The following FGF14 variants were observed in gnomAD, a reference collection of about 807,000 sequenced individuals.
FGF14 encodes fibroblast growth factor 14, also known as fibroblast growth factor homologous factor 4.
In FGF14, 5 loss-of-function variants were observed where a neutral mutation model predicts 25.5. That is an observed-to-expected ratio of 0.20 (90% CI 0.10 to 0.41). The LOEUF (loss-of-function observed/expected upper bound fraction) is 0.41, where lower values mean the gene tolerates loss of function less well. Among genes scored for constraint, FGF14 ranks in the 10% least tolerant of loss-of-function variants. The probability of loss-of-function intolerance (pLI) is 1.00; values close to 1 mark genes in which losing one functional copy is unlikely to be tolerated. For missense variants in FGF14, 222 were observed against 320.1 expected, an observed-to-expected ratio of 0.69 and a Z score of 2.34; for synonymous variants, 138 against 118.3, an observed-to-expected ratio of 1.17 and a Z score of -1.08.
At chr13:101,876,520 T>C (rs2045402865) in intron 1 of FGF14, among the ~76,000 whole-genome samples, 1 of 152,196 alleles carries the variant, frequency 6.6e-6, no homozygotes, top group African/African-American at 2.4e-5. Context: ...TCTATTTCTA[T>C]GCACATCATT....
chr13:101,922,833 TTTTG>T (rs201654134), intron 1 of FGF14, among the ~76,000 whole-genome samples: 294 of 151,552 alleles, frequency 1.9e-3, no homozygotes, highest in African/African-American at 6.8e-3. Context: ...AGTGCCTGGA[TTTTG>T]TTTTTTATTT....
intron 1 of FGF14, among the ~76,000 whole-genome samples, chr13:102,154,264 G>C (rs945413351): frequency 1.8e-4 from 28 of 151,998 alleles, no homozygotes; most frequent in Admixed American, 2.0e-4. Flanking sequence ...AGCAGCCAGA[G>C]AGAAAAGTTG....
intron 1 of FGF14, among the ~76,000 whole-genome samples, chr13:102,230,790 T>C (rs1162172820): frequency 6.6e-6 from 1 of 152,224 alleles, no homozygotes; most frequent in Non-Finnish European, 1.5e-5. Context: ...CCATAATACC[T>C]GTAAAGAGCA....
chr13:101,722,402 A>G lies in FGF14; in HGVS notation c.*429T>C, dbSNP rs1176854356. The G allele has an allele frequency of 3.5e-6, 1 of 284,958 alleles. No individual in the cohort carries two copies. Among genetic ancestry groups the G allele is most frequent in the Non-Finnish European group, 6.8e-6 (1 of 146,508 alleles). 17.7% of individuals were successfully genotyped at this position (284,958 alleles called of 1,614,324 possible). A position where few individuals can be genotyped will look rare whatever the true frequency, so the allele number is the denominator to read the frequency against. Reference sequence around the variant, plus strand: ...GAAATCCGTAATAGCACAGGTTTACAGCGTCTAACTAGAAATTACTCAATA... The same window carrying G: ...GAAATCCGTAATAGCACAGGTTTACGGCGTCTAACTAGAAATTACTCAATA... On this transcript the variant is annotated 3_prime_UTR_variant, in exon 5 of 5. Transcript: ENST00000376143.
At chr13:102,095,717 A>G (rs574088198) in intron 1 of FGF14, among the ~76,000 whole-genome samples, 2 of 152,124 alleles carry the variant, frequency 1.3e-5, no homozygotes, top group Non-Finnish European at 1.5e-5. Flanking sequence ...ATGAAGAGCA[A>G]GTATGTTTTC....
intron 1 of FGF14, among the ~76,000 whole-genome samples, chr13:102,356,179 A>T (rs2057413052): frequency 6.6e-6 from 1 of 152,260 alleles, no homozygotes; most frequent in Non-Finnish European, 1.5e-5. Flanking sequence ...GACTTAAATG[A>T]TTACTTGCTG....
chr13:102,309,046 G>A (rs1364206788), intron 1 of FGF14, among the ~76,000 whole-genome samples: 1 of 151,528 alleles, frequency 6.6e-6, no homozygotes, highest in Non-Finnish European at 1.5e-5. Context: ...ACCTTGCTAT[G>A]TTAGTAATGG....
intron 3 of FGF14, among the ~76,000 whole-genome samples, chr13:101,793,468 C>T (rs1050502132): frequency 6.6e-6 from 1 of 152,054 alleles, no homozygotes; most frequent in African/African-American, 2.4e-5. Flanking sequence ...TTGTCTTTAT[C>T]TATTTATGTG....
At chr13:102,331,093 G>A (rs563017667) in intron 1 of FGF14, among the ~76,000 whole-genome samples, 1 of 152,256 alleles carries the variant, frequency 6.6e-6, no homozygotes, top group Admixed American at 6.5e-5. Context: ...ACTGTAAAAT[G>A]TGGATAATAA....
intron 1 of FGF14, among the ~76,000 whole-genome samples, chr13:102,331,073 A>C (rs1005677643): frequency 5.9e-5 from 9 of 152,206 alleles, no homozygotes; most frequent in African/African-American, 2.2e-4. Flanking sequence ...ACTGCAATTC[A>C]GTTTTCTTCA....
intron 1 of FGF14, among the ~76,000 whole-genome samples, chr13:102,368,568 T>A (rs1366293033): frequency 6.6e-6 from 1 of 152,206 alleles, no homozygotes; most frequent in African/African-American, 2.4e-5. Flanking sequence ...GCTAACATAC[T>A]GAGTTTATTT....
At chr13:102,272,519 T>TTTA (rs2053299051) in intron 1 of FGF14, among the ~76,000 whole-genome samples, 7 of 152,166 alleles carry the variant, frequency 4.6e-5, no homozygotes, top group African/African-American at 1.7e-4. Context: ...AATGTGGATA[T>TTTA]GGTGATGGCA....
At chr13:102,157,266 C>G (rs150627350) in intron 1 of FGF14, among the ~76,000 whole-genome samples, 13,161 of 152,036 alleles carry the variant, frequency 0.087, 642 homozygotes, top group Middle Eastern at 0.18. Flanking sequence ...TATACTACAA[C>G]GCTACAGTAA....
At chr13:102,278,897 A>G (rs1043483193) in intron 1 of FGF14, among the ~76,000 whole-genome samples, 1 of 152,184 alleles carries the variant, frequency 6.6e-6, no homozygotes, top group East Asian at 1.9e-4. Flanking sequence ...GACCTTGTAC[A>G]AAAGTGCCCA....
At chr13:102,157,194 T>A (rs778643337) in intron 1 of FGF14, among the ~76,000 whole-genome samples, 1 of 152,062 alleles carries the variant, frequency 6.6e-6, no homozygotes, top group African/African-American at 2.4e-5. Flanking sequence ...GAGCCCACAT[T>A]TCCAAGTCAA....
chr13:102,186,846 A>G (rs1453197349), intron 1 of FGF14, among the ~76,000 whole-genome samples: 1 of 152,236 alleles, frequency 6.6e-6, no homozygotes, highest in African/African-American at 2.4e-5. Context: ...TAAATAGTGC[A>G]CATATGCAAG....
intron 1 of FGF14, among the ~76,000 whole-genome samples, chr13:102,195,761 A>T (rs1180598493): frequency 6.6e-6 from 1 of 150,450 alleles, no homozygotes; most frequent in East Asian, 1.9e-4. Context: ...CACTGCATAC[A>T]AGCCTGGGTG....
chr13:102,161,573 G>GAAGAAGAAGAAGAAGAAGAAGA, intron 1 of FGF14, among the ~76,000 whole-genome samples: 1 of 5,486 alleles, frequency 1.8e-4, no homozygotes, highest in South Asian at 8.6e-3. Flanking sequence ...TGTGAAGAAA[G>GAAGAAGAAGAAGAAGAAGAAGA]AAAGAAGAAG....
intron 1 of FGF14, among the ~76,000 whole-genome samples, chr13:102,259,920 A>G (rs1040507635): frequency 9.2e-5 from 14 of 152,240 alleles, no homozygotes; most frequent in South Asian, 2.1e-4. Context: ...TTTTAAAAAC[A>G]TAAGTATAAA....
Sources: allele counts gnomAD v4.1 joint callset (sites outside exome capture counted in the v4.1 genomes callset), GRCh38; gene constraint gnomAD v4.1.1; transcripts MANE v1.5; gene names NCBI Gene and HGNC (gene_info 2026-07-23, HGNC 2026-07-21).